Variants in PIK3C3 observed in about 807,000 individuals in gnomAD.
PIK3C3 encodes PI3-kinase type 3.
Under a neutral mutation model 126.1 loss-of-function variants are expected in PIK3C3, and 95 were observed. The ratio of observed to expected loss-of-function variants is 0.75; its 90% CI spans 0.64 to 0.89. The LOEUF (loss-of-function observed/expected upper bound fraction) is 0.89. Among genes scored for constraint, PIK3C3 ranks in the 40% least tolerant of loss-of-function variants. The pLI, the probability that PIK3C3 is intolerant of heterozygous loss-of-function variation, is 0.00. For synonymous variants in PIK3C3, 374 were observed against 360.0 expected (o/e 1.04, Z -0.44); for missense variants, 829 against 1,063.2 (o/e 0.78, Z 3.06).
intron 4 of PIK3C3, among the ~76,000 whole-genome samples, chr18:41,972,201 C>T (rs1253211569): frequency 6.6e-6 from 1 of 151,900 alleles, no homozygotes; most frequent in Non-Finnish European, 1.5e-5. Flanking sequence ...GAAACAGTAA[C>T]CCTTCATGCT....
chr18:41,970,616 C>CATA, intron 4 of PIK3C3, 160 bp downstream of exon 4: 1 of 703,060 alleles, frequency 1.4e-6, no homozygotes, highest in South Asian at 1.7e-5. Context: ...ATAAAGTTCA[C>CATA]CCTTGGAAAG....
At chr18:41,976,374 A>T (rs1980924275) in intron 4 of PIK3C3, among the ~76,000 whole-genome samples, 3 of 152,180 alleles carry the variant, frequency 2.0e-5, no homozygotes, top group Admixed American at 2.0e-4. Context: ...CAAAAAAAAA[A>T]AAAATTGTAT....
rs115627128 is a variant in PIK3C3, at chr18:42,051,789, A to C, written c.2263+2184A>C. On this transcript the variant is annotated intron_variant, in intron 21 of 24. Transcript: ENST00000262039. ...TTGGTTGAATCTTTTAACCACAAGA[A>C]TCAAGCAACCAAAATGATTCCATTT... Among the ~76,000 whole-genome samples the C allele has an allele frequency of 4.3e-3, 655 of 152,180 alleles. 11 individuals carry two copies. The highest frequency in any genetic ancestry group is 0.015 in the African/African-American group (611 of 41,554).
intron 21 of PIK3C3, among the ~76,000 whole-genome samples, chr18:42,056,385 T>C (rs750515918): frequency 3.9e-5 from 6 of 152,154 alleles, no homozygotes; most frequent in Non-Finnish European, 8.8e-5. Flanking sequence ...AATATTGGAA[T>C]TCCAGTAATT....
intron 1 of PIK3C3, among the ~76,000 whole-genome samples, chr18:41,955,624 GT>G (rs1195870929): frequency 4.6e-5 from 7 of 152,206 alleles, no homozygotes; most frequent in African/African-American, 1.7e-4. Context: ...AGTCTTTAAA[GT>G]TTTTGCTGTT....
chr18:42,039,771 A>G (rs747239744), intron 18 of PIK3C3, among the ~76,000 whole-genome samples: 1 of 152,174 alleles, frequency 6.6e-6, no homozygotes. Context: ...TATTCATAGT[A>G]TTTACCCAAG....
rs577203824 is a variant in PIK3C3 at position 41,976,280 on chromosome 18, C to T, written c.531+5824C>T. ...TCCTAGAGCATTGATTAGAGGAGCT[C>T]CCTGAGATTTTAGTTTTATGTACAT... is the stretch of plus-strand genomic sequence containing the variant. On this transcript the variant is annotated intron_variant, in intron 4 of 24. Transcript: ENST00000262039. 2.0e-5 allele frequency among the ~76,000 whole-genome samples: 3 copies of T among 152,092 alleles called. No homozygotes were observed. In the South Asian group the frequency reaches 6.2e-4, roughly 32 times the overall value.
At chr18:42,063,823 G>T (rs1318989085) in intron 22 of PIK3C3, among the ~76,000 whole-genome samples, 1 of 152,040 alleles carries the variant, frequency 6.6e-6, no homozygotes, top group East Asian at 1.9e-4. Context: ...CCCTAGAGAA[G>T]ACAGTGCAAG....
At chr18:42,039,118 TAC>T (rs1025980288) in intron 18 of PIK3C3, among the ~76,000 whole-genome samples, 1 of 151,972 alleles carries the variant, frequency 6.6e-6, no homozygotes, top group African/African-American at 2.4e-5. Flanking sequence ...CACATACACA[TAC>T]ACACACACCC....
chr18:42,062,353 C>CTGTGGCCCCCAGGCCACA, intron 22 of PIK3C3, among the ~76,000 whole-genome samples: 1 of 152,064 alleles, frequency 6.6e-6, no homozygotes, highest in Admixed American at 6.5e-5. Flanking sequence ...CTTATCTAAC[C>CTGTGGCCCCCAGGCCACA]TGTGGCCCCC....
chr18:41,987,534 A>G (rs991677010), intron 4 of PIK3C3, among the ~76,000 whole-genome samples: 2 of 152,118 alleles, frequency 1.3e-5, no homozygotes, highest in African/African-American at 4.8e-5. Context: ...AAATACAAGA[A>G]ATATAGGAAC....
At chr18:42,012,884 G>A (rs1982893783) in intron 10 of PIK3C3, among the ~76,000 whole-genome samples, 1 of 152,050 alleles carries the variant, frequency 6.6e-6, no homozygotes, top group African/African-American at 2.4e-5. Flanking sequence ...TTTCATTTAA[G>A]AAGCAATCCA....
intron 24 of PIK3C3, among the ~76,000 whole-genome samples, chr18:42,076,133 T>TATGCACAC (rs1473122378): frequency 2.2e-5 from 2 of 91,856 alleles, no homozygotes; most frequent in Non-Finnish European, 4.0e-5. Context: ...CGCATATATA[T>TATGCACAC]ATATATATAT....
Position 41,962,635 on chromosome 18 carries a change from A to G in PIK3C3, c.401+3A>G, listed in dbSNP as rs762369326. 5 of 1,609,790 alleles carry G rather than the reference A, an allele frequency of 3.1e-6. No homozygotes were observed. Among genetic ancestry groups the G allele is most frequent in the Non-Finnish European group, 3.4e-6 (4 of 1,177,592 alleles). On this transcript the variant is annotated splice_donor_region_variant and intron_variant, in intron 3 of 24. Coordinates refer to ENST00000262039, the MANE Select transcript of PIK3C3 (RefSeq NM_002647.4). ...GTTTCGCTCTTTGGAAAATACGGGT[A>G]AGCATTCTGTTGGTCTCATCTGTAG...
intron 12 of PIK3C3, among the ~76,000 whole-genome samples, chr18:42,017,664 C>T (rs911036345): frequency 1.3e-5 from 2 of 151,882 alleles, no homozygotes; most frequent in African/African-American, 4.8e-5. Context: ...GTTTGGTAAC[C>T]CTCTTGATAT....
chr18:42,028,455 A>G (rs76691962), intron 14 of PIK3C3, among the ~76,000 whole-genome samples: 1,658 of 152,336 alleles, frequency 0.011, 29 homozygotes, highest in African/African-American at 0.038. Flanking sequence ...AAAGAAAGCT[A>G]CCACACATTA....
chr18:42,058,170 G>A (rs1006287935), intron 22 of PIK3C3, 119 bp downstream of exon 22: 13 of 712,886 alleles, frequency 1.8e-5, no homozygotes, highest in Non-Finnish European at 2.5e-5. Context: ...AATGACAAAG[G>A]CAACAATATT....
chr18:41,969,821 G>A (rs1285901804), intron 3 of PIK3C3, among the ~76,000 whole-genome samples: 8 of 152,136 alleles, frequency 5.3e-5, no homozygotes, highest in Admixed American at 3.3e-4. Flanking sequence ...AGAGGAAACC[G>A]AGGTACAGAG....
rs909725399 is a variant in PIK3C3, at chr18:42,015,493, G to A, written c.1343G>A (p.Ser448Asn). ...TTTTTCAGCTCCCAAATTATAACCA[G>A]CCCCCTTCCTTCAGTCTCTTCACCT... ...AEIDSSQIIT[S>N]PLPSVSSPPP... The change falls in exon 12 of 25, where the codon AGC becomes AAC. Residue 448 changes from serine (S) to asparagine (N), a missense_variant. Around this residue, in one of 4 missense-constraint regions of PIK3C3, gnomAD observed 256 missense variants for 291.0 expected, o/e 0.88. Transcript: ENST00000262039. 1.2e-6 allele frequency: 2 copies of A among 1,613,282 alleles called. No homozygotes were observed. Among genetic ancestry groups the A allele is most frequent in the African/African-American group, 2.7e-5 (2 of 74,956 alleles).
Sources: gnomAD v4.1 joint callset for allele counts (sites outside exome capture counted in the v4.1 genomes callset) on GRCh38, gnomAD v4.1.1 for gene constraint, gnomAD v4.1.1 regional missense constraint, MANE v1.5 for transcripts, NCBI Gene and HGNC (gene_info 2026-07-23, HGNC 2026-07-21) for gene names.